Variants in FGGY observed in about 807,000 individuals in gnomAD.
The protein encoded by FGGY is FGGY carbohydrate kinase domain containing, also known as FGGY carbohydrate kinase domain-containing protein.
FGGY carries 72 observed loss-of-function variants against 71.3 expected under a neutral mutation model. The ratio of observed to expected loss-of-function variants is 1.01; its 90% CI spans 0.84 to 1.23. The LOEUF (loss-of-function observed/expected upper bound fraction) is 1.23. Among genes scored for constraint, FGGY ranks in the 50% most tolerant of loss-of-function variants. The pLI is 0.00. For synonymous variants in FGGY, 251 were observed against 250.3 expected, an observed-to-expected ratio of 1.00 and a Z score of -0.02; for missense variants, 668 against 682.3, an observed-to-expected ratio of 0.98 and a Z score of 0.23.
chr1:59,548,371 C>A (rs940562530), intron 7 of FGGY, among the ~76,000 whole-genome samples: 1 of 152,132 alleles, frequency 6.6e-6, no homozygotes, highest in African/African-American at 2.4e-5. Context: ...TCGTGGATGG[C>A]GTATCTCCCA....
intron 13 of FGGY, among the ~76,000 whole-genome samples, chr1:59,669,383 G>A (rs78195223): frequency 6.8e-4 from 103 of 152,186 alleles, no homozygotes; most frequent in African/African-American, 2.4e-3. Context: ...GAAGTGGGCC[G>A]TTCAAAGCAG....
chr1:59,517,877 G>A (rs1338630338), intron 7 of FGGY, among the ~76,000 whole-genome samples: 2 of 152,176 alleles, frequency 1.3e-5, no homozygotes, highest in Non-Finnish European at 2.9e-5. Flanking sequence ...CTCATTCAAA[G>A]GCAATTGTCC....
intron 6 of FGGY, among the ~76,000 whole-genome samples, chr1:59,468,596 G>T (rs1289408912): frequency 3.3e-5 from 5 of 152,112 alleles, no homozygotes; most frequent in African/African-American, 1.2e-4. Context: ...ATCTTGGCTG[G>T]GCGTGGTGGC....
At position 59,757,950 on chromosome 1, in the gene FGGY, G is replaced by A; in HGVS notation, c.1532G>A (p.Ser511Asn). The change falls in exon 15 of 16, where the codon AGC (serine) becomes AAC (asparagine). Residue 511 changes from serine (S) to asparagine (N), a missense_variant. By Grantham distance (46) the Ser-to-Asn change is conservative. Around this residue, in one of 2 missense-constraint regions of FGGY, gnomAD observed 661 missense variants for 661.6 expected, o/e 1.00. Transcript: ENST00000303721. ...TAATAGGAAGCAATGGCAAAAATGA[G>A]CAAAGTTGGGAAAGTTGTGTTCCCG... ...ASVQEAMAKM[S>N]KVGKVVFPRL... 6.2e-7 allele frequency: 1 copy of A among 1,613,314 alleles called. No individual in the cohort carries two copies. The highest frequency in any genetic ancestry group is 8.5e-7 in the Non-Finnish European group (1 of 1,179,566).
intron 14 of FGGY, among the ~76,000 whole-genome samples, chr1:59,752,050 G>A (rs1384116238): frequency 1.3e-5 from 2 of 152,180 alleles, no homozygotes; most frequent in African/African-American, 2.4e-5. Context: ...CACATCTTAT[G>A]TGACTCATGA....
intron 10 of FGGY, among the ~76,000 whole-genome samples, chr1:59,637,318 A>T (rs1239215638): frequency 6.6e-6 from 1 of 152,146 alleles, no homozygotes; most frequent in Admixed American, 6.5e-5. Context: ...CATTCTACAC[A>T]TGAAGAAACT....
chr1:59,632,797 A>C (rs2096920141), intron 10 of FGGY, among the ~76,000 whole-genome samples: 1 of 152,104 alleles, frequency 6.6e-6, no homozygotes, highest in African/African-American at 2.4e-5. Context: ...ATGACTTTTT[A>C]AACCTTGGAC....
At chr1:59,371,560 A>G (rs955812246) in intron 4 of FGGY, among the ~76,000 whole-genome samples, 3 of 152,186 alleles carry the variant, frequency 2.0e-5, no homozygotes, top group Admixed American at 2.0e-4. Flanking sequence ...AGCAGACCTA[A>G]TAGACATCCA....
intron 6 of FGGY, among the ~76,000 whole-genome samples, chr1:59,506,433 ATTCAAG>A (rs2094384349): frequency 6.6e-6 from 1 of 152,174 alleles, no homozygotes; most frequent in Non-Finnish European, 1.5e-5. Flanking sequence ...CTATACCTTA[ATTCAAG>A]TTCATTCATT....
chr1:59,709,466 T>TCACACACA (rs111353878), intron 14 of FGGY, among the ~76,000 whole-genome samples: 587 of 142,756 alleles, frequency 4.1e-3, no homozygotes, highest in South Asian at 8.9e-3. Flanking sequence ...TGAAACTATA[T>TCACACACA]CACACACACA....
At chr1:59,644,365 A>T (rs1365068462) in intron 11 of FGGY, among the ~76,000 whole-genome samples, 1 of 152,014 alleles carries the variant, frequency 6.6e-6, no homozygotes, top group Non-Finnish European at 1.5e-5. Flanking sequence ...TTTTCTTTTG[A>T]TGATACAATA....
chr1:59,440,824 G>T (rs1165253976), intron 5 of FGGY, among the ~76,000 whole-genome samples: 1 of 151,434 alleles, frequency 6.6e-6, no homozygotes, highest in Non-Finnish European at 1.5e-5. Flanking sequence ...ATTTACCAAG[G>T]TTAAGAAAGG....
intron 7 of FGGY, among the ~76,000 whole-genome samples, chr1:59,544,029 T>A (rs564158053): frequency 6.6e-6 from 1 of 152,330 alleles, no homozygotes; most frequent in East Asian, 1.9e-4. Context: ...CTATTCCAGT[T>A]TGCCCCAAGA....
intron 8 of FGGY, among the ~76,000 whole-genome samples, chr1:59,584,457 C>A (rs1334033805): frequency 6.7e-6 from 1 of 149,842 alleles, no homozygotes. Flanking sequence ...AGGCCTTTGA[C>A]AAAATTCAAC....
intron 1 of FGGY, among the ~76,000 whole-genome samples, chr1:59,315,961 T>G (rs835400): frequency 0.4 from 61,317 of 152,050 alleles, 12,836 homozygotes; most frequent in African/African-American, 0.51. Context: ...TTCTTCCTAT[T>G]TATTGTTGGT....
chr1:59,373,080 A>G (rs1231941154), intron 4 of FGGY, among the ~76,000 whole-genome samples: 3 of 152,162 alleles, frequency 2.0e-5, no homozygotes, highest in Non-Finnish European at 4.4e-5. Flanking sequence ...CAGGAGAAGG[A>G]AAGAATGGGT....
chr1:59,748,141 G>C (rs2098215548), intron 14 of FGGY, among the ~76,000 whole-genome samples: 1 of 152,098 alleles, frequency 6.6e-6, no homozygotes, highest in South Asian at 2.1e-4. Flanking sequence ...TTTAACAAAT[G>C]TCCTGCTAAA....
intron 14 of FGGY, among the ~76,000 whole-genome samples, chr1:59,715,418 G>A (rs574770033): frequency 3.9e-5 from 6 of 152,272 alleles, no homozygotes; most frequent in East Asian, 3.9e-4. Context: ...ATTGGGATCC[G>A]CAGCCCAATT....
chr1:59,493,260 A>C (rs1316943120), intron 6 of FGGY, among the ~76,000 whole-genome samples: 1 of 152,116 alleles, frequency 6.6e-6, no homozygotes, highest in African/African-American at 2.4e-5. Flanking sequence ...AAACAATATT[A>C]CCATATGATC....
Sources: allele counts gnomAD v4.1 joint callset (sites outside exome capture counted in the v4.1 genomes callset), GRCh38; gene constraint gnomAD v4.1.1; regional missense constraint gnomAD v4.1.1; transcripts MANE v1.5; gene names NCBI Gene and HGNC (gene_info 2026-07-23, HGNC 2026-07-21).